NRXN1: variants seen among roughly 807,000 people sequenced by gnomAD.
NRXN1 encodes the protein neurexin 1, also known as neurexin-1.
A neutral mutation model predicts 150.9 loss-of-function variants in NRXN1; 39 were observed. The ratio of observed to expected loss-of-function variants is 0.26; its 90% CI spans 0.20 to 0.34. The LOEUF is 0.34. NRXN1 is among the 10% of genes least tolerant of loss of function. The pLI is 1.00. For missense variants in NRXN1, 1,815 were observed against 1,949.9 expected, an observed-to-expected ratio of 0.93 and a Z score of 1.30; for synonymous variants, 924 against 757.0, an observed-to-expected ratio of 1.22 and a Z score of -3.62.
At chr2:50,479,713 T>TA (rs1430872421) in intron 15 of NRXN1, among the ~76,000 whole-genome samples, 1 of 151,064 alleles carries the variant, frequency 6.6e-6, no homozygotes, top group Non-Finnish European at 1.5e-5. Context: ...ACCTGAGCAA[T>TA]AATGAATTAA....
At chr2:50,222,439 C>A (rs1189418012) in intron 18 of NRXN1, among the ~76,000 whole-genome samples, 1 of 151,984 alleles carries the variant, frequency 6.6e-6, no homozygotes. Context: ...TTTGTGATAT[C>A]TTCATACACT....
intron 16 of NRXN1, among the ~76,000 whole-genome samples, chr2:50,471,129 T>C (rs2089417004): frequency 6.6e-6 from 1 of 151,830 alleles, no homozygotes; most frequent in Admixed American, 6.6e-5. Flanking sequence ...TAGCTTTAGG[T>C]GTACAAGTGG....
intron 9 of NRXN1, among the ~76,000 whole-genome samples, chr2:50,546,956 C>T (rs10175903): frequency 0.43 from 64,838 of 151,962 alleles, 15,531 homozygotes; most frequent in African/African-American, 0.65. Context: ...CTAATGGTTG[C>T]TCAAGTAGAA....
At chr2:50,804,219 T>C (rs188951212) in intron 5 of NRXN1, among the ~76,000 whole-genome samples, 256 of 152,320 alleles carry the variant, frequency 1.7e-3, no homozygotes, top group African/African-American at 5.5e-3. Flanking sequence ...TTTAGTATCA[T>C]TAAGATTACC....
At chr2:50,987,943 T>A (rs1054522384) in intron 2 of NRXN1, among the ~76,000 whole-genome samples, 30 of 151,928 alleles carry the variant, frequency 2.0e-4, no homozygotes, top group African/African-American at 7.2e-4. Flanking sequence ...TTGCAAAAAA[T>A]CAAAATGGAT....
chr2:50,359,265 A>C (rs1198633885), intron 17 of NRXN1, among the ~76,000 whole-genome samples: 1 of 152,040 alleles, frequency 6.6e-6, no homozygotes, highest in Non-Finnish European at 1.5e-5. Context: ...AGTTTGACGA[A>C]TTGACAGAAG....
intron 5 of NRXN1, among the ~76,000 whole-genome samples, chr2:50,793,013 G>C (rs747222123): frequency 1.3e-5 from 2 of 151,902 alleles, no homozygotes; most frequent in Non-Finnish European, 1.5e-5. Flanking sequence ...GTTTCACTGA[G>C]CACTCTTTAG....
intron 5 of NRXN1, among the ~76,000 whole-genome samples, chr2:50,725,014 T>G (rs1315361828): frequency 6.6e-6 from 1 of 152,122 alleles, no homozygotes; most frequent in African/African-American, 2.4e-5. Flanking sequence ...TAACTGCCTT[T>G]GTGGAGCTTG....
intron 21 of NRXN1, chr2:49,974,165 G>C (rs1298344780): frequency 1.4e-6 from 1 of 712,054 alleles, no homozygotes; most frequent in African/African-American, 1.7e-5. Context: ...CGGCCTATCA[G>C]TGCCCTGCAC....
intron 19 of NRXN1, among the ~76,000 whole-genome samples, chr2:50,080,901 T>G (rs1398180926): frequency 1.3e-5 from 2 of 152,176 alleles, no homozygotes; most frequent in African/African-American, 4.8e-5. Context: ...TCCTCATATG[T>G]TCATTACACA....
At chr2:50,899,284 A>G (rs17512227) in intron 5 of NRXN1, among the ~76,000 whole-genome samples, 20,886 of 152,168 alleles carry the variant, frequency 0.14, 1,578 homozygotes, top group South Asian at 0.18. Flanking sequence ...TCCAATTTCC[A>G]ATGCAGTACA....
At chr2:49,964,968 C>A (rs1413224289) in intron 21 of NRXN1, among the ~76,000 whole-genome samples, 1 of 152,106 alleles carries the variant, frequency 6.6e-6, no homozygotes, top group African/African-American at 2.4e-5. Context: ...ATCACTGCAA[C>A]CTCTGTCTCC....
chr2:50,580,470 T>C (rs1672097161), intron 8 of NRXN1, among the ~76,000 whole-genome samples: 1 of 152,230 alleles, frequency 6.6e-6, no homozygotes, highest in Non-Finnish European at 1.5e-5. Flanking sequence ...TTTTAGTTGT[T>C]ACTTGATTAA....
chr2:50,969,810 T>C (rs1270799694), intron 2 of NRXN1, among the ~76,000 whole-genome samples: 1 of 152,114 alleles, frequency 6.6e-6, no homozygotes, highest in Non-Finnish European at 1.5e-5. Flanking sequence ...ATTGCAAAGT[T>C]GATTAATTGG....
At chr2:50,112,758 C>T (rs1051075300) in intron 18 of NRXN1, among the ~76,000 whole-genome samples, 5 of 151,684 alleles carry the variant, frequency 3.3e-5, no homozygotes, top group African/African-American at 9.7e-5. Flanking sequence ...TCATACCTGC[C>T]TCAGAGGTCA....
intron 8 of NRXN1, among the ~76,000 whole-genome samples, chr2:50,593,056 A>G (rs1674548417): frequency 6.6e-6 from 1 of 152,200 alleles, no homozygotes; most frequent in Non-Finnish European, 1.5e-5. Flanking sequence ...CTTCACCTTG[A>G]TGCTCTGCTC....
chr2:50,390,910 C>T (rs939222650), intron 17 of NRXN1, among the ~76,000 whole-genome samples: 3 of 152,080 alleles, frequency 2.0e-5, no homozygotes, highest in Admixed American at 2.0e-4. Flanking sequence ...TATAGCAACA[C>T]AAACAGATTA....
At chr2:50,094,747 A>G (rs572047916) in intron 18 of NRXN1, among the ~76,000 whole-genome samples, 22 of 148,474 alleles carry the variant, frequency 1.5e-4, no homozygotes, top group African/African-American at 5.4e-4. Flanking sequence ...TGAGTGGTGA[A>G]GAAAACTGAG....
intron 5 of NRXN1, among the ~76,000 whole-genome samples, chr2:50,893,272 A>C (rs1045429275): frequency 9.9e-5 from 15 of 152,228 alleles, no homozygotes; most frequent in African/African-American, 3.1e-4. Flanking sequence ...GTAATACATT[A>C]TTAAAACTCT....
Sources: allele counts gnomAD v4.1 joint callset (sites outside exome capture counted in the v4.1 genomes callset), GRCh38; gene constraint gnomAD v4.1.1; transcripts MANE v1.5; gene names NCBI Gene and HGNC (gene_info 2026-07-23, HGNC 2026-07-21).